Variants in IQCM observed in about 807,000 individuals in gnomAD.
The protein encoded by IQCM is IQ domain-containing protein M.
In IQCM, 45 loss-of-function variants were observed where a neutral mutation model predicts 57.6. The ratio of observed to expected loss-of-function variants is 0.78; its 90% CI spans 0.62 to 1.00. The LOEUF is 1.00. IQCM is among the 50% of genes least tolerant of loss of function. IQCM has a pLI of 0.00. For synonymous variants in IQCM, 148 were observed against 158.9 expected, an observed-to-expected ratio of 0.93 and a Z score of 0.51; for missense variants, 468 against 511.6, an observed-to-expected ratio of 0.91 and a Z score of 0.82.
chr4:149,576,227 G>A (rs1007143439), intron 9 of IQCM, among the ~76,000 whole-genome samples: 1 of 151,504 alleles, frequency 6.6e-6, no homozygotes, highest in Non-Finnish European at 1.5e-5. Context: ...ATGGAGTTTT[G>A]GAGTACAGAT....
At chr4:149,728,138 G>A (rs1411628479) in intron 5 of IQCM, among the ~76,000 whole-genome samples, 1 of 152,194 alleles carries the variant, frequency 6.6e-6, no homozygotes, top group Non-Finnish European at 1.5e-5. Flanking sequence ...TCTCAGAACT[G>A]CAATCACATT....
In IQCM at chr4:149,610,761, A is replaced by T. The variant is rs527340620; in HGVS notation, c.681+10368T>A. On this transcript the variant is annotated intron_variant, in intron 8 of 13. Coordinates refer to ENST00000636793, the MANE Select transcript of IQCM (RefSeq NM_001363507.2). ...TTAAATATAAGACTCAAAACTATGA[A>T]AATACTAGAAGAAAACATTGGGTAA... Among the ~76,000 whole-genome samples the T allele has an allele frequency of 4.9e-4, 74 of 152,230 alleles. 1 individual carries two copies. In the South Asian group the frequency reaches 0.015, roughly 32 times the overall value.
At chr4:149,439,640 T>C (rs1735710424) in intron 12 of IQCM, among the ~76,000 whole-genome samples, 1 of 152,058 alleles carries the variant, frequency 6.6e-6, no homozygotes, top group Non-Finnish European at 1.5e-5. Context: ...AAGTGATTAA[T>C]TTTAAGTACT....
chr4:149,754,290 G>T (rs970544645), intron 2 of IQCM, among the ~76,000 whole-genome samples: 7 of 152,162 alleles, frequency 4.6e-5, no homozygotes, highest in Admixed American at 2.6e-4. Flanking sequence ...CAACTCTGAA[G>T]GGTCAACTCA....
chr4:149,692,116 T>C (rs1239033856), intron 5 of IQCM, among the ~76,000 whole-genome samples: 2 of 152,130 alleles, frequency 1.3e-5, no homozygotes, highest in Non-Finnish European at 2.9e-5. Context: ...TGTGAGTACA[T>C]GAGGTGTGAG....
At chr4:149,776,578 A>T (rs1016330273) in intron 2 of IQCM, among the ~76,000 whole-genome samples, 17 of 152,218 alleles carry the variant, frequency 1.1e-4, no homozygotes, top group African/African-American at 4.1e-4. Flanking sequence ...GGGAGAAAAC[A>T]TTTACCAATT....
chr4:149,560,537 T>A (rs1399100190), intron 10 of IQCM, among the ~76,000 whole-genome samples: 1 of 152,200 alleles, frequency 6.6e-6, no homozygotes, highest in Admixed American at 6.5e-5. Context: ...GTCTTTATAA[T>A]TTTTAATATC....
intron 12 of IQCM, among the ~76,000 whole-genome samples, chr4:149,510,006 A>C (rs2149807563): frequency 6.6e-6 from 1 of 152,332 alleles, no homozygotes; most frequent in African/African-American, 2.4e-5. Context: ...AGAAGCAGAA[A>C]GCATGAGTCT....
At chr4:149,426,394 T>C (rs1345664830) in intron 13 of IQCM, among the ~76,000 whole-genome samples, 1 of 151,994 alleles carries the variant, frequency 6.6e-6, no homozygotes, top group Non-Finnish European at 1.5e-5. Context: ...TAAAAGTCAC[T>C]AATCACTGAC....
At chr4:149,403,089 T>G (rs1256030032) in intron 13 of IQCM, among the ~76,000 whole-genome samples, 2 of 151,990 alleles carry the variant, frequency 1.3e-5, no homozygotes, top group Non-Finnish European at 2.9e-5. Flanking sequence ...ATATCCAGCA[T>G]AAGCATTTTT....
intron 2 of IQCM, among the ~76,000 whole-genome samples, chr4:149,763,011 T>G (rs1420729248): frequency 6.6e-6 from 1 of 152,066 alleles, no homozygotes; most frequent in East Asian, 1.9e-4. Flanking sequence ...CTCCTATAAC[T>G]TCATACTCCA....
intron 9 of IQCM, among the ~76,000 whole-genome samples, chr4:149,579,310 T>C (rs1161695209): frequency 5.3e-5 from 8 of 151,838 alleles, no homozygotes; most frequent in Non-Finnish European, 8.8e-5. Context: ...TTGACTTCTC[T>C]AGAGATGAGG....
intron 2 of IQCM, among the ~76,000 whole-genome samples, chr4:149,745,824 T>C (rs1328539470): frequency 6.6e-6 from 1 of 151,858 alleles, no homozygotes; most frequent in Non-Finnish European, 1.5e-5. Flanking sequence ...ATACAAAAAT[T>C]AGCTGGGTGG....
chr4:149,727,182 A>G (rs148443153), intron 5 of IQCM, among the ~76,000 whole-genome samples: 303 of 152,262 alleles, frequency 2.0e-3, no homozygotes, highest in Middle Eastern at 6.8e-3. Flanking sequence ...AATGACTCCA[A>G]CCTTTCCCAT....
At chr4:149,396,351 T>G (rs533955767) in intron 13 of IQCM, among the ~76,000 whole-genome samples, 5 of 151,762 alleles carry the variant, frequency 3.3e-5, no homozygotes, top group Non-Finnish European at 7.4e-5. Context: ...ATAAGAAAAT[T>G]TTCTATATGA....
chr4:149,656,871 C>T (rs1260896943), intron 7 of IQCM, among the ~76,000 whole-genome samples: 3 of 152,018 alleles, frequency 2.0e-5, no homozygotes, highest in South Asian at 4.1e-4. Context: ...TTTGTATAGC[C>T]AGTGTGTTTT....
At position 149,540,522 on chromosome 4, in the gene IQCM, G is replaced by A. The variant is rs577470616; in HGVS notation, c.1228+7933C>T. On this transcript the variant is annotated intron_variant, in intron 12 of 13. Coordinates refer to ENST00000636793, the MANE Select transcript of IQCM (RefSeq NM_001363507.2). ...ATAGTAGCAATAGAGATTGACTGTC[G>A]TCCACTCTGATTTAACAAAAACCTC... 3.8e-4 allele frequency among the ~76,000 whole-genome samples: 58 copies of A among 151,766 alleles called. 1 individual carries two copies. The highest frequency in any genetic ancestry group is 1.2e-3 in the East Asian group (6 of 5,166).
At chr4:149,615,257 A>C (rs560711633) in intron 8 of IQCM, among the ~76,000 whole-genome samples, 250 of 152,276 alleles carry the variant, frequency 1.6e-3, no homozygotes, top group Non-Finnish European at 2.4e-3. Context: ...AGAAAGTTGG[A>C]GATGGTGATC....
chr4:149,639,944 T>G (rs1758047956), intron 7 of IQCM, among the ~76,000 whole-genome samples: 1 of 152,024 alleles, frequency 6.6e-6, no homozygotes, highest in African/African-American at 2.4e-5. Context: ...AATAAAATAT[T>G]TGCAAAATAA....
Sources: gnomAD v4.1 joint callset for allele counts (sites outside exome capture counted in the v4.1 genomes callset) on GRCh38, gnomAD v4.1.1 for gene constraint, MANE v1.5 for transcripts, NCBI Gene and HGNC (gene_info 2026-07-23, HGNC 2026-07-21) for gene names.